The following UBQLN1 variants were observed in gnomAD, a reference collection of about 807,000 sequenced individuals.
The protein encoded by UBQLN1 is ubiquilin-1.
In UBQLN1, 13 loss-of-function variants were observed where a neutral mutation model predicts 65.4. That is an observed-to-expected ratio of 0.20 (90% CI 0.13 to 0.32). The LOEUF is 0.32. Among genes scored for constraint, UBQLN1 ranks in the 10% least tolerant of loss-of-function variants. The pLI is 1.00. For synonymous variants in UBQLN1, 267 were observed against 247.8 expected, an observed-to-expected ratio of 1.08 and a Z score of -0.73; for missense variants, 561 against 724.0, an observed-to-expected ratio of 0.77 and a Z score of 2.58.
chr9:83,690,631 G>A (rs1227824463), intron 1 of UBQLN1, among the ~76,000 whole-genome samples: 1 of 152,112 alleles, frequency 6.6e-6, no homozygotes, highest in African/African-American at 2.4e-5. Flanking sequence ...CACTTTGGGA[G>A]GCCAACATGG....
At chr9:83,674,724 A>C (rs1337415275) in intron 6 of UBQLN1, among the ~76,000 whole-genome samples, 3 of 152,232 alleles carry the variant, frequency 2.0e-5, no homozygotes, top group Admixed American at 2.0e-4. Context: ...TAAGTTCTTG[A>C]TAAGCTGACA....
intron 3 of UBQLN1, among the ~76,000 whole-genome samples, chr9:83,681,037 A>G (rs1831931823): frequency 6.6e-6 from 1 of 152,222 alleles, no homozygotes; most frequent in African/African-American, 2.4e-5. Flanking sequence ...AATAATAAAT[A>G]CACACACCAG....
At chr9:83,687,179 G>A (rs1204336972) in intron 1 of UBQLN1, among the ~76,000 whole-genome samples, 1 of 152,112 alleles carries the variant, frequency 6.6e-6, no homozygotes, top group African/African-American at 2.4e-5. Context: ...GGAAGTCAGG[G>A]AAAGCTTTCC....
intron 4 of UBQLN1, among the ~76,000 whole-genome samples, chr9:83,679,299 C>T (rs1831899974): frequency 6.6e-6 from 1 of 152,174 alleles, no homozygotes; most frequent in Non-Finnish European, 1.5e-5. Flanking sequence ...ATAAAGCCAA[C>T]CTCTTCTGCT....
chr9:83,673,360 G>A (rs1276432733), intron 6 of UBQLN1, among the ~76,000 whole-genome samples: 3 of 151,924 alleles, frequency 2.0e-5, no homozygotes, highest in African/African-American at 7.3e-5. Flanking sequence ...CCAACATGGT[G>A]AAACACTGTC....
rs1317130676 is a variant in UBQLN1, at chr9:83,669,245, A to G, written c.1188T>C (p.Ser396=). The change falls in exon 7 of 11, where the codon TCT becomes TCC. Residue 396 remains serine, a synonymous_variant. Transcript: ENST00000376395. ...ENPQLMQNML[S]APYMRSMMQS... The stretch of plus-strand genomic sequence containing the variant: ...GCATCATGCTTCTCATGTAGGGGGC[A>G]GACAACATGTTTTGCATCAGTTGTG... 1.2e-6 allele frequency: 2 copies of G among 1,612,736 alleles called. No homozygotes were observed. The highest frequency in any genetic ancestry group is 1.7e-6 in the Non-Finnish European group (2 of 1,179,778).
intron 6 of UBQLN1, among the ~76,000 whole-genome samples, chr9:83,670,003 G>A (rs552032275): frequency 5.9e-4 from 90 of 152,132 alleles, no homozygotes; most frequent in Non-Finnish European, 1.0e-3. Flanking sequence ...TCATAGGGTG[G>A]TTGTAAGAAA....
chr9:83,683,616 C>T (rs560493096), intron 2 of UBQLN1, among the ~76,000 whole-genome samples: 5 of 152,062 alleles, frequency 3.3e-5, no homozygotes, highest in Admixed American at 1.3e-4. Context: ...ATAATGTACA[C>T]AAATATTTCA....
intron 6 of UBQLN1, among the ~76,000 whole-genome samples, chr9:83,671,088 T>C (rs1226520091): frequency 6.6e-6 from 1 of 152,084 alleles, no homozygotes; most frequent in Non-Finnish European, 1.5e-5. Context: ...GCCCGAACCT[T>C]CCAAAGTGCC....
In UBQLN1 at chr9:83,662,271, TATAC is replaced by T. The variant is rs1199937735; in HGVS notation, c.1618-336_1618-333del. ...ATGTGTGTGTGTATATACATATACA[TATAC>T]ACACACACACACACACACACACACA... is the stretch of plus-strand genomic sequence containing the variant. On this transcript the variant is annotated intron_variant, in intron 10 of 10. Transcript: ENST00000376395. Among the ~76,000 whole-genome samples the T allele has an allele frequency of 2.0e-3, 204 of 102,326 alleles. 1 individual carries two copies. In the East Asian group the frequency reaches 0.045, roughly 23 times the overall value. The allele number at this position is 102,326 out of a possible 152,430, so 67.1% of individuals were successfully genotyped here. A position where few individuals can be genotyped will look rare whatever the true frequency, so the allele number is the denominator to read the frequency against.
chr9:83,668,396 C>T, intron 7 of UBQLN1: 1 of 985,368 alleles, frequency 1.0e-6, no homozygotes, highest in Non-Finnish European at 1.2e-6. Flanking sequence ...TAACGAACAG[C>T]AAATATAAAC....
chr9:83,667,806 A>G, intron 7 of UBQLN1: 2 of 973,724 alleles, frequency 2.1e-6, no homozygotes, highest in Non-Finnish European at 2.4e-6. Context: ...TTTAAAAATC[A>G]AAAGAATAGA....
At chr9:83,675,642 A>G (rs549461043) in intron 6 of UBQLN1, among the ~76,000 whole-genome samples, 11 of 152,360 alleles carry the variant, frequency 7.2e-5, no homozygotes, top group Non-Finnish European at 1.0e-4. Context: ...TTCACTTTGA[A>G]GTGATTAATC....
rs778919850 is a variant in UBQLN1, at chr9:83,679,750, C to A, written c.711+25G>T. ...ACAAATATATCATTTTTTAGCTAAA[C>A]GAACTGAAAGAACTTTCCACATACT... is the stretch of plus-strand genomic sequence containing the variant. On this transcript the variant is annotated intron_variant, in intron 4 of 10. Coordinates refer to ENST00000376395, the MANE Select transcript of UBQLN1 (RefSeq NM_013438.5). 8.7e-6 allele frequency: 14 copies of A among 1,606,570 alleles called. No individual in the cohort carries two copies. The South Asian group carries it at 1.4e-4, about 16-fold the overall frequency.
intron 1 of UBQLN1, among the ~76,000 whole-genome samples, chr9:83,699,109 G>T (rs1178159395): frequency 6.6e-6 from 1 of 152,094 alleles, no homozygotes; most frequent in Non-Finnish European, 1.5e-5. Flanking sequence ...GGGGAAAATG[G>T]GGAGTTACTG....
intron 1 of UBQLN1, among the ~76,000 whole-genome samples, chr9:83,692,384 ACTTC>A (rs2131177376): frequency 6.6e-6 from 1 of 152,320 alleles, no homozygotes; most frequent in African/African-American, 2.4e-5. Flanking sequence ...TTTGAACGTA[ACTTC>A]CTTGTCTGTT....
chr9:83,683,414 CA>C (rs766459859), intron 2 of UBQLN1, among the ~76,000 whole-genome samples: 2,955 of 70,918 alleles, frequency 0.042, 27 homozygotes, highest in African/African-American at 0.14. Context: ...GACTCCGTCT[CA>C]AAAAAAAAAA....
intron 3 of UBQLN1, among the ~76,000 whole-genome samples, chr9:83,682,371 C>T (rs996903839): frequency 1.3e-5 from 2 of 151,808 alleles, no homozygotes; most frequent in East Asian, 3.9e-4. Flanking sequence ...TGTAACCCAG[C>T]ATTTTGGGAC....
At chr9:83,695,221 C>T (rs1832191348) in intron 1 of UBQLN1, among the ~76,000 whole-genome samples, 1 of 122,840 alleles carries the variant, frequency 8.1e-6, no homozygotes, top group African/African-American at 3.0e-5. Context: ...TTTTTTGAGA[C>T]TAAGTCTCAC....
Sources: gnomAD v4.1 joint callset for allele counts (sites outside exome capture counted in the v4.1 genomes callset) on GRCh38, gnomAD v4.1.1 for gene constraint, MANE v1.5 for transcripts, NCBI Gene and HGNC (gene_info 2026-07-23, HGNC 2026-07-21) for gene names.